The following B3GAT2 variants were observed in gnomAD, a reference collection of about 807,000 sequenced individuals.
B3GAT2 encodes the protein galactosylgalactosylxylosylprotein 3-beta-glucuronosyltransferase 2.
B3GAT2 carries 26 observed loss-of-function variants against 27.8 expected under a neutral mutation model. The ratio of observed to expected loss-of-function variants is 0.93; its 90% CI spans 0.68 to 1.30. The LOEUF (loss-of-function observed/expected upper bound fraction) is 1.30, where lower values mean the gene tolerates loss of function less well. Among genes scored for constraint, B3GAT2 ranks in the 50% most tolerant of loss-of-function variants. The pLI is 0.00. For missense variants in B3GAT2, 458 were observed against 459.0 expected, an observed-to-expected ratio of 1.00 and a Z score of 0.02; for synonymous variants, 218 against 195.1, an observed-to-expected ratio of 1.12 and a Z score of -0.98.
In B3GAT2 at chr6:70,856,732, G is replaced by A; in HGVS notation, c.*4931C>T. 2 of 904,072 alleles carry A rather than the reference G, an allele frequency of 2.2e-6. No homozygotes were observed. Among genetic ancestry groups the A allele is most frequent in the Non-Finnish European group, 3.2e-6 (2 of 618,568 alleles). 56.0% of individuals were successfully genotyped at this position (904,072 alleles called of 1,614,324 possible). ...GGCTTGTAAGTGATCCTCTTGAATG[G>A]CACCATTTTACCTTCTACAATTGTT... On this transcript the variant is annotated 3_prime_UTR_variant, in exon 4 of 4. Transcript: ENST00000230053.
At chr6:70,900,037 T>G (rs543995858) in intron 1 of B3GAT2, among the ~76,000 whole-genome samples, 1 of 152,304 alleles carries the variant, frequency 6.6e-6, no homozygotes, top group South Asian at 2.1e-4. Context: ...GGGCAGCAAT[T>G]CATGTATTTA....
At chr6:70,952,404 T>G (rs1403213111) in intron 1 of B3GAT2, among the ~76,000 whole-genome samples, 1 of 152,188 alleles carries the variant, frequency 6.6e-6, no homozygotes, top group Non-Finnish European at 1.5e-5. Flanking sequence ...TGAAACCAAC[T>G]TCACCTGAAA....
rs1344198859 is a variant in B3GAT2 at position 70,859,365 on chromosome 6, A to G, written c.*2298T>C. The G allele has an allele frequency of 1.3e-6, 2 of 1,549,580 alleles. No homozygotes were observed. The highest frequency in any genetic ancestry group is 1.2e-5 in the South Asian group (1 of 83,918). ...GGGTGATGCTGTTCTCCAGCACTCC[A>G]TCAGTGCAATCTACTGGCCAATGAC... is the stretch of plus-strand genomic sequence containing the variant. On this transcript the variant is annotated 3_prime_UTR_variant, in exon 4 of 4. Coordinates refer to ENST00000230053, the MANE Select transcript of B3GAT2 (RefSeq NM_080742.3).
intron 1 of B3GAT2, among the ~76,000 whole-genome samples, chr6:70,926,052 C>A (rs527570829): frequency 1.3e-5 from 2 of 152,184 alleles, no homozygotes; most frequent in African/African-American, 4.8e-5. Context: ...AGACCTCCAG[C>A]AAACTCCAAA....
At chr6:70,906,181 C>T (rs112265105) in intron 1 of B3GAT2, among the ~76,000 whole-genome samples, 56 of 152,130 alleles carry the variant, frequency 3.7e-4, no homozygotes, top group African/African-American at 1.3e-3. Flanking sequence ...ATTCTTCTCA[C>T]GGAGAATGGG....
intron 1 of B3GAT2, among the ~76,000 whole-genome samples, chr6:70,946,117 C>A (rs545218796): frequency 1.2e-3 from 183 of 152,176 alleles, no homozygotes; most frequent in African/African-American, 4.2e-3. Context: ...ACTGCAAAAT[C>A]ATGCCAAAAC....
At chr6:70,899,619 C>A (rs183127397) in intron 1 of B3GAT2, among the ~76,000 whole-genome samples, 143 of 152,296 alleles carry the variant, frequency 9.4e-4, no homozygotes, top group African/African-American at 3.3e-3. Context: ...ACCATCTATG[C>A]CCTGCTGAAA....
intron 1 of B3GAT2, among the ~76,000 whole-genome samples, chr6:70,934,608 TATC>T (rs2150046960): frequency 6.6e-6 from 1 of 152,308 alleles, no homozygotes; most frequent in South Asian, 2.1e-4. Context: ...GGTGACCTAA[TATC>T]ATTAATAAAT....
At chr6:70,939,388 C>T (rs1765349865) in intron 1 of B3GAT2, among the ~76,000 whole-genome samples, 1 of 147,498 alleles carries the variant, frequency 6.8e-6, no homozygotes, top group Non-Finnish European at 1.5e-5. Context: ...CCAGCCATCC[C>T]ATTACTGGGT....
chr6:70,893,169 C>T (rs1272904114), intron 2 of B3GAT2, among the ~76,000 whole-genome samples: 1 of 152,180 alleles, frequency 6.6e-6, no homozygotes, highest in Non-Finnish European at 1.5e-5. Flanking sequence ...CGTCCTCTGG[C>T]TCCCTCAGAT....
At position 70,956,255 on chromosome 6, in the gene B3GAT2, G is replaced by C. The variant is rs1251628445; in HGVS notation, c.175C>G (p.Pro59Ala). The change falls in exon 1 of 4, where the codon CCG (proline) becomes GCG (alanine). Residue 59 changes from proline to alanine, a missense_variant. Physicochemically the swap from Pro to Ala is conservative, Grantham distance 27 (BLOSUM62 -1). Transcript: ENST00000230053. The part of the protein sequence containing the change: ...GARLPLRRGG[P>A]AHGTQKRNQS... ...TTGCGCTTTTGGGTCCCGTGAGCCG[G>C]GCCGCCCCTGCGGAGCGGGAGTCGG... 1 of 1,611,164 alleles carries C rather than the reference G, an allele frequency of 6.2e-7. No individual in the cohort carries two copies.
At chr6:70,947,136 T>C (rs1334380933) in intron 1 of B3GAT2, among the ~76,000 whole-genome samples, 3 of 151,320 alleles carry the variant, frequency 2.0e-5, no homozygotes, top group Non-Finnish European at 4.4e-5. Context: ...GCAGGAAAGA[T>C]TCAAAATTGA....
At chr6:70,892,847 C>T (rs938968928) in intron 2 of B3GAT2, among the ~76,000 whole-genome samples, 4 of 152,186 alleles carry the variant, frequency 2.6e-5, no homozygotes, top group Non-Finnish European at 5.9e-5. Flanking sequence ...AGGCCTCTTT[C>T]GAGGGTCCTC....
intron 1 of B3GAT2, among the ~76,000 whole-genome samples, chr6:70,897,241 T>G (rs1772402612): frequency 7.3e-6 from 1 of 137,242 alleles, no homozygotes; most frequent in Non-Finnish European, 1.7e-5. Context: ...AAAAAAAAGG[T>G]TTTCTTACTA....
In B3GAT2 at chr6:70,857,227, C is replaced by CTTTA; in HGVS notation, c.*4432_*4435dup. 1 of 441,418 alleles carries CTTTA rather than the reference C, an allele frequency of 2.3e-6. No individual in the cohort carries two copies. The highest frequency in any genetic ancestry group is 2.0e-5 in the African/African-American group (1 of 50,386). 27.3% of individuals were successfully genotyped at this position (441,418 alleles called of 1,614,324 possible). A position where few individuals can be genotyped will look rare whatever the true frequency, so the allele number is the denominator to read the frequency against. ...AGAGGCATGTACAGGATTCACAGAA[C>CTTTA]TTTATTTGGAATTAACAAGCTGTTC... On this transcript the variant is annotated 3_prime_UTR_variant, in exon 4 of 4. Coordinates refer to ENST00000230053, the MANE Select transcript of B3GAT2 (RefSeq NM_080742.3).
chr6:70,860,197 C>T lies in B3GAT2; in HGVS notation c.*1466G>A, dbSNP rs1184587881. 1.2e-6 allele frequency: 2 copies of T among 1,603,490 alleles called. No homozygotes were observed. The highest frequency in any genetic ancestry group is 1.1e-5 in the South Asian group (1 of 88,836). ...TGAACTAAGCCTTTTATATGTTTCA[C>T]AGATGAATCAGCAGATGGCTGGCAT... On this transcript the variant is annotated 3_prime_UTR_variant, in exon 4 of 4. Coordinates refer to ENST00000230053, the MANE Select transcript of B3GAT2 (RefSeq NM_080742.3).
At position 70,931,087 on chromosome 6, in the gene B3GAT2, G is replaced by A. The variant is rs533864424; in HGVS notation, c.591+24752C>T. Among the ~76,000 whole-genome samples, 44 of 152,022 alleles carry A rather than the reference G, an allele frequency of 2.9e-4. 1 individual carries two copies. The South Asian group carries it at 9.1e-3, about 32-fold the overall frequency. The stretch of plus-strand genomic sequence containing the variant: ...TTCTGAGCAAACTATCTCAAGCACA[G>A]AAAACCAAACACCACATGTTCTCAC... On this transcript the variant is annotated intron_variant, in intron 1 of 3. Transcript: ENST00000230053.
chr6:70,924,210 G>C (rs1772917332), intron 1 of B3GAT2, among the ~76,000 whole-genome samples: 2 of 151,982 alleles, frequency 1.3e-5, no homozygotes, highest in Admixed American at 1.3e-4. Flanking sequence ...AACCAAGGAG[G>C]CAAAAACCAT....
chr6:70,929,437 T>A (rs78014254), intron 1 of B3GAT2, among the ~76,000 whole-genome samples: 22,010 of 152,178 alleles, frequency 0.14, 1,902 homozygotes, highest in East Asian at 0.34. Context: ...CATGACTGTA[T>A]ATTTAGAAAA....
Sources: gnomAD v4.1 joint callset for allele counts (sites outside exome capture counted in the v4.1 genomes callset) on GRCh38, gnomAD v4.1.1 for gene constraint, MANE v1.5 for transcripts, NCBI Gene and HGNC (gene_info 2026-07-23, HGNC 2026-07-21) for gene names.